The following SORBS2 variants were observed in gnomAD, a reference collection of about 807,000 sequenced individuals.
The protein encoded by SORBS2 is sorbin and SH3 domain-containing protein 2.
Under a neutral mutation model 97.7 loss-of-function variants are expected in SORBS2, and 46 were observed. The ratio of observed to expected loss-of-function variants is 0.47; its 90% CI spans 0.37 to 0.60. The LOEUF (loss-of-function observed/expected upper bound fraction) is 0.60, where lower values mean the gene tolerates loss of function less well. Among genes scored for constraint, SORBS2 ranks in the 20% least tolerant of loss-of-function variants. The probability of loss-of-function intolerance (pLI) is 0.00; values close to 1 mark genes in which losing one functional copy is unlikely to be tolerated. For missense variants in SORBS2, 1,316 were observed against 1,282.3 expected (o/e 1.03, Z -0.40); for synonymous variants, 476 against 473.4 (o/e 1.01, Z -0.07).
intron 2 of SORBS2, among the ~76,000 whole-genome samples, 183 bp from the exon 6 acceptor site, chr4:185,679,005 C>A (rs995033626): frequency 6.6e-6 from 1 of 152,010 alleles, no homozygotes; most frequent in Non-Finnish European, 1.5e-5. Flanking sequence ...ATTAGAATGT[C>A]ATTCATTAAA....
At chr4:185,885,545 ATTTCACAGT>A (rs2099238970) in intron 1 of SORBS2, among the ~76,000 whole-genome samples, 2 of 152,236 alleles carry the variant, frequency 1.3e-5, no homozygotes, top group African/African-American at 4.8e-5. Flanking sequence ...AAAGCGTAAC[ATTTCACAGT>A]TTCTTTCTCA....
At chr4:185,654,734 C>T (rs1165754750) in intron 1 of SORBS2, among the ~76,000 whole-genome samples, 1 of 152,192 alleles carries the variant, frequency 6.6e-6, no homozygotes, top group Non-Finnish European at 1.5e-5. Flanking sequence ...ATAGTCTACT[C>T]AAATTTCAGG....
intron 1 of SORBS2, among the ~76,000 whole-genome samples, chr4:185,835,652 ATTTTT>A (rs5864964): frequency 2.1e-4 from 26 of 122,212 alleles, no homozygotes; most frequent in African/African-American, 5.1e-4. Flanking sequence ...TTTTGAAAGG[ATTTTT>A]TTTTTTTTTT....
chr4:185,868,142 C>CTTT (rs1396114044), intron 1 of SORBS2, among the ~76,000 whole-genome samples: 7 of 89,660 alleles, frequency 7.8e-5, no homozygotes, highest in Non-Finnish European at 1.4e-4. Flanking sequence ...TTTCTCTTTT[C>CTTT]TTTTCTTTTT....
chr4:185,683,236 T>C (rs2097900665), intron 2 of SORBS2, among the ~76,000 whole-genome samples: 1 of 152,138 alleles, frequency 6.6e-6, no homozygotes, highest in South Asian at 2.1e-4. Context: ...TGTTTTTTTT[T>C]TCTTTTTTGC....
chr4:185,750,392 G>A (rs2098791916), intron 2 of SORBS2, among the ~76,000 whole-genome samples: 1 of 152,212 alleles, frequency 6.6e-6, no homozygotes, highest in Non-Finnish European at 1.5e-5. Flanking sequence ...GAGCGGGTCT[G>A]CATTCAGGAT....
At chr4:185,887,814 ATCT>A (rs1318285204) in intron 1 of SORBS2, among the ~76,000 whole-genome samples, 4 of 152,068 alleles carry the variant, frequency 2.6e-5, no homozygotes, top group Admixed American at 2.0e-4. Flanking sequence ...GGGGTTGCTG[ATCT>A]TCTTAATAAC....
intron 1 of SORBS2, among the ~76,000 whole-genome samples, chr4:185,929,489 A>T (rs1285680001): frequency 1.3e-5 from 2 of 151,296 alleles, no homozygotes; most frequent in African/African-American, 4.9e-5. Context: ...AATTGTTTTC[A>T]TTATGATAGC....
chr4:185,780,855 G>T (rs2099025110), intron 1 of SORBS2, among the ~76,000 whole-genome samples: 1 of 152,208 alleles, frequency 6.6e-6, no homozygotes, highest in Admixed American at 6.5e-5. Context: ...ATCATTGAAA[G>T]AGATTATATA....
intron 4 of SORBS2, among the ~76,000 whole-genome samples, chr4:185,668,889 C>A (rs1289992733): frequency 2.0e-5 from 3 of 152,178 alleles, no homozygotes; most frequent in South Asian, 4.1e-4. Context: ...CTTTCCCCAA[C>A]CCTTGAGCTA....
chr4:185,819,976 ATAT>A (rs2099195703), intron 1 of SORBS2, among the ~76,000 whole-genome samples: 1 of 151,370 alleles, frequency 6.6e-6, no homozygotes, highest in African/African-American at 2.5e-5. Context: ...AAGGATGATA[ATAT>A]TATCTAATTC....
At chr4:185,894,979 C>T (rs2099244315) in intron 1 of SORBS2, among the ~76,000 whole-genome samples, 1 of 152,180 alleles carries the variant, frequency 6.6e-6, no homozygotes, top group South Asian at 2.1e-4. Flanking sequence ...GTCCATGCTG[C>T]CATGTATGGC....
chr4:185,729,932 T>C (rs1428696682), intron 2 of SORBS2, among the ~76,000 whole-genome samples: 5 of 152,192 alleles, frequency 3.3e-5, no homozygotes, highest in Non-Finnish European at 7.4e-5. Flanking sequence ...ATTCCTTCTG[T>C]AGCTAGTGAA....
chr4:185,735,484 A>G (rs1000469599), intron 2 of SORBS2, among the ~76,000 whole-genome samples: 1 of 151,916 alleles, frequency 6.6e-6, no homozygotes, highest in Non-Finnish European at 1.5e-5. Flanking sequence ...AAAGGGAAAA[A>G]AGGGCAAACA....
intron 1 of SORBS2, among the ~76,000 whole-genome samples, chr4:185,798,122 C>T (rs760860352): frequency 2.3e-4 from 35 of 152,158 alleles, no homozygotes; most frequent in Non-Finnish European, 3.8e-4. Flanking sequence ...CATGCATACA[C>T]CAAGAATGAT....
At chr4:185,630,071 A>C (rs2096882774) in intron 5 of SORBS2, among the ~76,000 whole-genome samples, 2 of 152,094 alleles carry the variant, frequency 1.3e-5, no homozygotes. Flanking sequence ...ATAGTATTTA[A>C]CCATAGTGTT....
At chr4:185,938,008 CTTTTTTT>C (rs529655739) in intron 1 of SORBS2, among the ~76,000 whole-genome samples, 1 of 121,310 alleles carries the variant, frequency 8.2e-6, no homozygotes, top group African/African-American at 3.2e-5. Context: ...AGAAATCATT[CTTTTTTT>C]TTTTTTTTTT....
chr4:185,741,485 C>G (rs1397803063), intron 2 of SORBS2, among the ~76,000 whole-genome samples: 10 of 138,670 alleles, frequency 7.2e-5, no homozygotes, highest in Admixed American at 7.0e-4. Flanking sequence ...CTCACTGCAA[C>G]CTCCACCTCC....
intron 13 of SORBS2, among the ~76,000 whole-genome samples, chr4:185,592,353 G>A (rs1298444073): frequency 6.6e-6 from 1 of 152,086 alleles, no homozygotes; most frequent in African/African-American, 2.4e-5. Context: ...ATACAAATCA[G>A]GACTTTGAAA....
Sources: allele counts gnomAD v4.1 joint callset (sites outside exome capture counted in the v4.1 genomes callset), GRCh38; gene constraint gnomAD v4.1.1; transcripts MANE v1.5; gene names NCBI Gene and HGNC (gene_info 2026-07-23, HGNC 2026-07-21).